The following CSMD1 variants were observed in gnomAD, a reference collection of about 807,000 sequenced individuals.
CSMD1 encodes the protein CUB and Sushi multiple domains 1.
Under a neutral mutation model 417.5 loss-of-function variants are expected in CSMD1, and 213 were observed. That is an observed-to-expected ratio of 0.51 (90% CI 0.46 to 0.57). CSMD1 has a LOEUF of 0.57. CSMD1 is among the 20% of genes least tolerant of loss of function. The pLI, the probability that CSMD1 is intolerant of heterozygous loss-of-function variation, is 0.00. For missense variants in CSMD1, 6,923 were observed against 4,529.7 expected (o/e 1.53, Z -15.17); for synonymous variants, 2,862 against 1,736.8 (o/e 1.65, Z -16.11).
At chr8:4,728,839 T>C (rs185776195) in intron 1 of CSMD1, among the ~76,000 whole-genome samples, 8 of 152,094 alleles carry the variant, frequency 5.3e-5, no homozygotes, top group East Asian at 1.9e-4. Flanking sequence ...AACAAAAAGC[T>C]GGCATCTACT....
chr8:4,166,042 T>G (rs1173043677), intron 3 of CSMD1, among the ~76,000 whole-genome samples: 3 of 152,204 alleles, frequency 2.0e-5, no homozygotes, highest in Non-Finnish European at 4.4e-5. Context: ...CTTATTTACA[T>G]GCTCACACTT....
intron 23 of CSMD1, among the ~76,000 whole-genome samples, chr8:3,323,866 A>G (rs998559985): frequency 1.4e-5 from 2 of 146,996 alleles, no homozygotes; most frequent in Admixed American, 1.4e-4. Context: ...TCTAACACCC[A>G]GAGACCCAGG....
chr8:3,682,796 T>C (rs1026642396), intron 7 of CSMD1, among the ~76,000 whole-genome samples: 25 of 152,170 alleles, frequency 1.6e-4, no homozygotes, highest in Non-Finnish European at 2.5e-4. Flanking sequence ...CCAACCTAAA[T>C]GTCCAACAAT....
At chr8:4,974,723 C>T (rs555687472) in intron 1 of CSMD1, among the ~76,000 whole-genome samples, 2 of 152,296 alleles carry the variant, frequency 1.3e-5, no homozygotes, top group South Asian at 4.1e-4. Context: ...CACCTTTGGT[C>T]TTTGCTCTGC....
At chr8:3,691,586 A>T (rs907172523) in intron 7 of CSMD1, among the ~76,000 whole-genome samples, 1 of 152,196 alleles carries the variant, frequency 6.6e-6, no homozygotes, top group Non-Finnish European at 1.5e-5. Context: ...TAATCTTCCA[A>T]CCTTTGGCTT....
intron 3 of CSMD1, among the ~76,000 whole-genome samples, chr8:4,067,910 C>G (rs977112401): frequency 7.2e-5 from 11 of 152,042 alleles, no homozygotes; most frequent in Admixed American, 2.6e-4. Flanking sequence ...AACCCCAACT[C>G]TACTAAAAAT....
In CSMD1 at chr8:4,702,199, C is replaced by G. The variant is rs571783021; in HGVS notation, c.86-64641G>C. Among the ~76,000 whole-genome samples the G allele has an allele frequency of 3.9e-5, 6 of 152,242 alleles. No homozygotes were observed. In the South Asian group the frequency reaches 6.2e-4, roughly 16 times the overall value. On this transcript the variant is annotated intron_variant, in intron 1 of 69. Coordinates refer to ENST00000635120, the MANE Select transcript of CSMD1 (RefSeq NM_033225.6). ...GTGATGGGTTGACAGGTGCAGCAAA[C>G]CACTATGGTACATGTTTACCTTTGG...
At chr8:4,028,042 G>A (rs963956022) in intron 4 of CSMD1, among the ~76,000 whole-genome samples, 24 of 152,064 alleles carry the variant, frequency 1.6e-4, no homozygotes, top group African/African-American at 5.1e-4. Flanking sequence ...ACAGGTTTAG[G>A]TTTTGAGGCC....
At chr8:3,039,659 C>T (rs1308510723) in intron 50 of CSMD1, among the ~76,000 whole-genome samples, 2 of 152,070 alleles carry the variant, frequency 1.3e-5, no homozygotes, top group African/African-American at 4.8e-5. Flanking sequence ...TAAATGACCT[C>T]GTCTGCATTT....
chr8:3,685,212 C>T (rs1301091916), intron 7 of CSMD1, among the ~76,000 whole-genome samples: 1 of 152,180 alleles, frequency 6.6e-6, no homozygotes, highest in Non-Finnish European at 1.5e-5. Flanking sequence ...GAAGCCACTG[C>T]CCTTGTTTTA....
intron 4 of CSMD1, among the ~76,000 whole-genome samples, chr8:4,030,478 T>G (rs183039448): frequency 1.3e-5 from 2 of 152,302 alleles, no homozygotes. Context: ...TGTTGCCCCT[T>G]TCAGCCACAG....
At chr8:4,279,694 G>A (rs1265959742) in intron 3 of CSMD1, among the ~76,000 whole-genome samples, 1 of 152,138 alleles carries the variant, frequency 6.6e-6, no homozygotes, top group African/African-American at 2.4e-5. Flanking sequence ...CTTTGAATGT[G>A]CATTTTCTTC....
chr8:4,483,232 T>A (rs1195752512), intron 2 of CSMD1, among the ~76,000 whole-genome samples: 1 of 152,198 alleles, frequency 6.6e-6, no homozygotes, highest in Non-Finnish European at 1.5e-5. Context: ...CCTTTCACCT[T>A]CCACCATGAC....
chr8:3,116,975 T>C (rs1176236359), intron 42 of CSMD1, among the ~76,000 whole-genome samples: 1 of 152,142 alleles, frequency 6.6e-6, no homozygotes, highest in African/African-American at 2.4e-5. Context: ...AAAATTAATT[T>C]TAAGTGCTAT....
chr8:3,902,368 A>G (rs1263124974), intron 5 of CSMD1, among the ~76,000 whole-genome samples: 1 of 152,164 alleles, frequency 6.6e-6, no homozygotes, highest in Non-Finnish European at 1.5e-5. Flanking sequence ...TTACAAAAAC[A>G]TGTGATCTGA....
intron 3 of CSMD1, among the ~76,000 whole-genome samples, chr8:4,064,510 G>C (rs918676217): frequency 6.6e-6 from 1 of 152,194 alleles, no homozygotes; most frequent in Non-Finnish European, 1.5e-5. Context: ...GTGAGGCAGG[G>C]ATAACATCCA....
rs376244646 is a variant in CSMD1, at chr8:3,826,718, G to C, written c.819-72676C>G. On this transcript the variant is annotated intron_variant, in intron 5 of 69. Transcript: ENST00000635120. ...CCTTGATAATTTCTTTATTTTCAAA[G>C]AAAGAGTTTGTACTGAATATCCCTA... 9.9e-5 allele frequency among the ~76,000 whole-genome samples: 15 copies of C among 152,240 alleles called. No individual in the cohort carries two copies. The South Asian group carries it at 3.1e-3, about 32-fold the overall frequency.
intron 3 of CSMD1, among the ~76,000 whole-genome samples, chr8:4,374,428 T>C (rs1398246287): frequency 6.6e-6 from 1 of 152,184 alleles, no homozygotes; most frequent in Non-Finnish European, 1.5e-5. Flanking sequence ...AAAAACTTTT[T>C]GTAGAAGGAA....
At chr8:3,697,374 T>A (rs539280092) in intron 7 of CSMD1, among the ~76,000 whole-genome samples, 1 of 152,332 alleles carries the variant, frequency 6.6e-6, no homozygotes, top group South Asian at 2.1e-4. Flanking sequence ...TTTTCTGAAT[T>A]CCCTTTGATC....
Sources: gnomAD v4.1 joint callset for allele counts (sites outside exome capture counted in the v4.1 genomes callset) on GRCh38, gnomAD v4.1.1 for gene constraint, MANE v1.5 for transcripts, NCBI Gene and HGNC (gene_info 2026-07-23, HGNC 2026-07-21) for gene names.